NUPR1: variants seen among roughly 807,000 people sequenced by gnomAD.
NUPR1 encodes nuclear protein 1.
Under a neutral mutation model 7.3 loss-of-function variants are expected in NUPR1, and 8 were observed. The ratio of observed to expected loss-of-function variants is 1.09; its 90% CI spans 0.64 to 1.97. The LOEUF is 1.97. NUPR1 is among the 30% of genes most tolerant of loss of function. The pLI is 0.00. For synonymous variants in NUPR1, 39 were observed against 44.5 expected, an observed-to-expected ratio of 0.88 and a Z score of 0.49; for missense variants, 96 against 111.7, an observed-to-expected ratio of 0.86 and a Z score of 0.63.
At position 28,535,843 on chromosome 16, in the gene NUPR1, C is replaced by G. The variant is rs562445291; in HGVS notation, c.*1840G>C. ...TCCTCCAACTTCAGCCTCTGAGCAACTAGGACTACAGGCATGAGCCACCAT... is the reference window on the plus strand; with the variant it reads ...TCCTCCAACTTCAGCCTCTGAGCAAGTAGGACTACAGGCATGAGCCACCAT... On this transcript the variant is annotated 3_prime_UTR_variant, in exon 3 of 3. Transcript: ENST00000324873. 4.6e-5 allele frequency: 7 copies of G among 152,168 alleles called. No homozygotes were observed. The South Asian group carries it at 1.4e-3, about 32-fold the overall frequency. The allele number at this position is 152,168 out of a possible 1,614,324, so 9.4% of individuals were successfully genotyped here.
Position 28,535,577 on chromosome 16 carries a change from T to TTTCC in NUPR1, c.*2105_*2106insGGAA. 4.9e-4 allele frequency: 11 copies of TTTCC among 22,624 alleles called. No individual in the cohort carries two copies. The highest frequency in any genetic ancestry group is 2.2e-3 in the African/African-American group (9 of 4,002). 1.4% of individuals were successfully genotyped at this position (22,624 alleles called of 1,614,324 possible). A position where few individuals can be genotyped will look rare whatever the true frequency, so the allele number is the denominator to read the frequency against. On this transcript the variant is annotated 3_prime_UTR_variant, in exon 3 of 3. Coordinates refer to ENST00000324873, the MANE Select transcript of NUPR1 (RefSeq NM_012385.3). ...TTTCTTTCTTTCCTTCCTTCCTTTC[T>TTTCC]TTCTTTCTTTCTTTCTTTCTTTCTT... is the stretch of plus-strand genomic sequence containing the variant.
At position 28,537,469 on chromosome 16, in the gene NUPR1, C is replaced by T. The variant is rs1429262470; in HGVS notation, c.*214G>A. The stretch of plus-strand genomic sequence containing the variant: ...GGGGATCTTCCTGGCTCTGCCCCTC[C>T]ATTCCCAGCCTCTCACTCCCCATCT... On this transcript the variant is annotated 3_prime_UTR_variant, in exon 3 of 3. Transcript: ENST00000324873. 1 of 152,458 alleles carries T rather than the reference C, an allele frequency of 6.6e-6. No individual in the cohort carries two copies. The highest frequency in any genetic ancestry group is 1.5e-5 in the Non-Finnish European group (1 of 68,134). The allele number at this position is 152,458 out of a possible 1,614,324, so 9.4% of individuals were successfully genotyped here.
In NUPR1 at chr16:28,533,794, GAGAC is replaced by G. The variant is rs1440339770; in HGVS notation, c.*3885_*3888del. 2 of 152,368 alleles carry G rather than the reference GAGAC, an allele frequency of 1.3e-5. No individual in the cohort carries two copies. 9.4% of individuals were successfully genotyped at this position (152,368 alleles called of 1,614,324 possible). On this transcript the variant is annotated 3_prime_UTR_variant, in exon 3 of 3. Transcript: ENST00000324873. ...GAAGCTTATTTAAGGGCAGGTATGA[GAGAC>G]AGATTTCAGCCCACATGAACAGACT...
At chr16:28,538,721 G>GAGAGGAAACA (rs1246039994) in intron 1 of NUPR1, 75 bp downstream of exon 1, 3 of 1,118,116 alleles carry the variant, frequency 2.7e-6, no homozygotes, top group Non-Finnish European at 4.1e-6. Context: ...GAAAGGAAAT[G>GAGAGGAAACA]AGAGGAAACA....
Position 28,538,781 on chromosome 16 carries a change from C to T in NUPR1, c.112+15G>A. The T allele has an allele frequency of 1.3e-6, 2 of 1,590,668 alleles. No individual in the cohort carries two copies. Among genetic ancestry groups the T allele is most frequent in the Non-Finnish European group, 1.7e-6 (2 of 1,162,252 alleles). On this transcript the variant is annotated intron_variant, in intron 1 of 2. Coordinates refer to ENST00000324873, the MANE Select transcript of NUPR1 (RefSeq NM_012385.3). ...AGAGGAGGAAGGACCGTGGAGATGG[C>T]TGAGTGGGCCTTACCGAGGTAGGAA...
In NUPR1 at chr16:28,535,571, C is replaced by CTTTCTTTCTTTCCTTCCTTCCTTT. The variant is rs1555472555; in HGVS notation, c.*2111_*2112insAAAGGAAGGAAGGAAAGAAAGAAA. The stretch of plus-strand genomic sequence containing the variant: ...TCTTTCTTTCTTTCTTTCCTTCCTT[C>CTTTCTTTCTTTCCTTCCTTCCTTT]CTTTCTTTCTTTCTTTCTTTCTTTC... On this transcript the variant is annotated 3_prime_UTR_variant, in exon 3 of 3. Transcript: ENST00000324873. 4 of 71,886 alleles carry CTTTCTTTCTTTCCTTCCTTCCTTT rather than the reference C, an allele frequency of 5.6e-5. No individual in the cohort carries two copies. Among genetic ancestry groups the CTTTCTTTCTTTCCTTCCTTCCTTT allele is most frequent in the Non-Finnish European group, 1.0e-4 (4 of 38,512 alleles). 4.5% of individuals were successfully genotyped at this position (71,886 alleles called of 1,614,324 possible). A position where few individuals can be genotyped will look rare whatever the true frequency, so the allele number is the denominator to read the frequency against.
Position 28,533,523 on chromosome 16 carries a change from C to G in NUPR1, c.*4160G>C, listed in dbSNP as rs1443474051. 2 of 152,354 alleles carry G rather than the reference C, an allele frequency of 1.3e-5. No homozygotes were observed. The highest frequency in any genetic ancestry group is 6.5e-5 in the Admixed American group (1 of 15,274). The allele number at this position is 152,354 out of a possible 1,614,324, so 9.4% of individuals were successfully genotyped here. A position where few individuals can be genotyped will look rare whatever the true frequency, so the allele number is the denominator to read the frequency against. ...GAGTAGGTGGGCCCACAGGCACAAG[C>G]CACCACACCTGGCTAATTTTTAATT... On this transcript the variant is annotated 3_prime_UTR_variant, in exon 3 of 3. Coordinates refer to ENST00000324873, the MANE Select transcript of NUPR1 (RefSeq NM_012385.3).
Position 28,535,523 on chromosome 16 carries a change from C to CTTTCTTTCTTTCTTTCT in NUPR1, c.*2143_*2159dup, listed in dbSNP as rs2046605910. On this transcript the variant is annotated 3_prime_UTR_variant, in exon 3 of 3. Coordinates refer to ENST00000324873, the MANE Select transcript of NUPR1 (RefSeq NM_012385.3). ...CGCTCTTTTCTTTCTTTCTTTCTTT[C>CTTTCTTTCTTTCTTTCT]TTTCTTTCTTTCTTTCTTTCCTTCT... 1.4e-5 allele frequency: 1 copy of CTTTCTTTCTTTCTTTCT among 71,948 alleles called. No individual in the cohort carries two copies. The highest frequency in any genetic ancestry group is 2.9e-5 in the Non-Finnish European group (1 of 33,950). The allele number at this position is 71,948 out of a possible 1,614,324, so 4.5% of individuals were successfully genotyped here. A position where few individuals can be genotyped will look rare whatever the true frequency, so the allele number is the denominator to read the frequency against.
chr16:28,538,181 T>C, intron 1 of NUPR1, 26 bp from the exon 2 acceptor site: 6 of 1,613,870 alleles, frequency 3.7e-6, no homozygotes, highest in Non-Finnish European at 5.1e-6. Flanking sequence ...GAGTCAGAGG[T>C]GAAGTGGGCA....
chr16:28,534,946 G>A lies in NUPR1; in HGVS notation c.*2737C>T, dbSNP rs1171179718. 4 of 152,118 alleles carry A rather than the reference G, an allele frequency of 2.6e-5. No individual in the cohort carries two copies. The highest frequency in any genetic ancestry group is 6.6e-5 in the Admixed American group (1 of 15,258). 9.4% of individuals were successfully genotyped at this position (152,118 alleles called of 1,614,324 possible). ...GCCATTTGAACCCAGGAGGACTTGG[G>A]GCTAAGTAAGAGAGGAGTAACTTTG... On this transcript the variant is annotated 3_prime_UTR_variant, in exon 3 of 3. Transcript: ENST00000324873.
rs150470316 is a variant in NUPR1, at chr16:28,537,289, G to C, written c.*394C>G. 2.6e-5 allele frequency: 4 copies of C among 152,358 alleles called. No homozygotes were observed. Among genetic ancestry groups the C allele is most frequent in the African/African-American group, 9.7e-5 (4 of 41,450 alleles). 9.4% of individuals were successfully genotyped at this position (152,358 alleles called of 1,614,324 possible). A position where few individuals can be genotyped will look rare whatever the true frequency, so the allele number is the denominator to read the frequency against. ...ATCAAAGATGCTCTCTCAGGCTCAT[G>C]AATGTGCAGGCACAGGCAAGCACAC... is the stretch of plus-strand genomic sequence containing the variant. On this transcript the variant is annotated 3_prime_UTR_variant, in exon 3 of 3. Coordinates refer to ENST00000324873, the MANE Select transcript of NUPR1 (RefSeq NM_012385.3).
In NUPR1 at chr16:28,538,644, T is replaced by A. The variant is rs772004398; in HGVS notation, c.112+152A>T. Reference sequence around the variant, plus strand: ...GTTTGAGTTGTTGTGATCACACTACTGCACTCCAGCCTGGGTGACAGAGTG... The same window carrying A: ...GTTTGAGTTGTTGTGATCACACTACAGCACTCCAGCCTGGGTGACAGAGTG... On this transcript the variant is annotated intron_variant, in intron 1 of 2. Coordinates refer to ENST00000324873, the MANE Select transcript of NUPR1 (RefSeq NM_012385.3). The A allele has an allele frequency of 4.1e-6, 3 of 728,006 alleles. No individual in the cohort carries two copies. The African/African-American group carries it at 5.2e-5, about 13-fold the overall frequency. 45.1% of individuals were successfully genotyped at this position (728,006 alleles called of 1,614,324 possible). A position where few individuals can be genotyped will look rare whatever the true frequency, so the allele number is the denominator to read the frequency against.
rs1359794297 is a variant in NUPR1, at chr16:28,535,567, C to CTTTCTTTCTTTCTTTCTTTCTTTCTTT, written c.*2115_*2116insAAAGAAAGAAAGAAAGAAAGAAAGAAA. 4.3e-4 allele frequency: 29 copies of CTTTCTTTCTTTCTTTCTTTCTTTCTTT among 67,438 alleles called. 1 individual carries two copies. The highest frequency in any genetic ancestry group is 1.3e-3 in the South Asian group (2 of 1,512). The allele number at this position is 67,438 out of a possible 1,614,324, so 4.2% of individuals were successfully genotyped here. ...TCCTTCTTTCTTTCTTTCTTTCCTT[C>CTTTCTTTCTTTCTTTCTTTCTTTCTTT]CTTCCTTTCTTTCTTTCTTTCTTTC... On this transcript the variant is annotated 3_prime_UTR_variant, in exon 3 of 3. Transcript: ENST00000324873.
rs1567277437 is a variant in NUPR1 at position 28,535,564 on chromosome 16, C to CTTCTTTCT, written c.*2118_*2119insAGAAAGAA. ...CTTTCCTTCTTTCTTTCTTTCTTTC[C>CTTCTTTCT]TTCCTTCCTTTCTTTCTTTCTTTCT... On this transcript the variant is annotated 3_prime_UTR_variant, in exon 3 of 3. Coordinates refer to ENST00000324873, the MANE Select transcript of NUPR1 (RefSeq NM_012385.3). 1 of 57,738 alleles carries CTTCTTTCT rather than the reference C, an allele frequency of 1.7e-5. No homozygotes were observed. The highest frequency in any genetic ancestry group is 3.6e-5 in the Non-Finnish European group (1 of 27,578). The allele number at this position is 57,738 out of a possible 1,614,324, so 3.6% of individuals were successfully genotyped here.
chr16:28,538,710 G>C, intron 1 of NUPR1, 86 bp downstream of exon 1: 1 of 1,062,578 alleles, frequency 9.4e-7, no homozygotes, highest in Non-Finnish European at 1.5e-6. Flanking sequence ...GAAGAGGAAA[G>C]GAAAGGAAAT....
rs1406601108 is a variant in NUPR1 at position 28,535,544 on chromosome 16, C to CTTT, written c.*2138_*2139insAAA. 2.8e-4 allele frequency: 16 copies of CTTT among 58,172 alleles called. No individual in the cohort carries two copies. The highest frequency in any genetic ancestry group is 8.9e-4 in the African/African-American group (15 of 16,764). 3.6% of individuals were successfully genotyped at this position (58,172 alleles called of 1,614,324 possible). ...CTTTCTTTCTTTCTTTCTTTCTTTCCTTCTTTCTTTCTTTCTTTCCTTCCT... is the reference window on the plus strand; with the variant it reads ...CTTTCTTTCTTTCTTTCTTTCTTTCCTTTTTCTTTCTTTCTTTCTTTCCTTCCT... On this transcript the variant is annotated 3_prime_UTR_variant, in exon 3 of 3. Coordinates refer to ENST00000324873, the MANE Select transcript of NUPR1 (RefSeq NM_012385.3).
intron 1 of NUPR1, 119 bp downstream of exon 1, chr16:28,538,677 C>CAA: frequency 2.4e-6 from 2 of 825,082 alleles, no homozygotes; most frequent in Non-Finnish European, 4.0e-6. Flanking sequence ...GTGACTCTCT[C>CAA]AAAAAAAAAG....
In NUPR1 at chr16:28,532,961, A is replaced by C. The variant is rs559343098; in HGVS notation, c.*4722T>G. ...AGGATTAAATGGAGCAAAGCCTATA[A>C]AACACTTCTCACAGAATAGGAGCTC... On this transcript the variant is annotated 3_prime_UTR_variant, in exon 3 of 3. Transcript: ENST00000324873. 6.6e-6 allele frequency: 1 copy of C among 152,314 alleles called. No individual in the cohort carries two copies. The highest frequency in any genetic ancestry group is 1.9e-4 in the East Asian group (1 of 5,188). 9.4% of individuals were successfully genotyped at this position (152,314 alleles called of 1,614,324 possible).
rs1406601108 is a variant in NUPR1, at chr16:28,535,544, C to CTTTCTTT, written c.*2138_*2139insAAAGAAA. 102 of 58,174 alleles carry CTTTCTTT rather than the reference C, an allele frequency of 1.8e-3. 2 individuals are homozygous for CTTTCTTT. The highest frequency in any genetic ancestry group is 5.8e-3 in the African/African-American group (98 of 16,766). The allele number at this position is 58,174 out of a possible 1,614,324, so 3.6% of individuals were successfully genotyped here. On this transcript the variant is annotated 3_prime_UTR_variant, in exon 3 of 3. Transcript: ENST00000324873. The stretch of plus-strand genomic sequence containing the variant: ...CTTTCTTTCTTTCTTTCTTTCTTTC[C>CTTTCTTT]TTCTTTCTTTCTTTCTTTCCTTCCT...
Sources: gnomAD v4.1 joint callset for allele counts on GRCh38, gnomAD v4.1.1 for gene constraint, MANE v1.5 for transcripts, NCBI Gene and HGNC (gene_info 2026-07-23, HGNC 2026-07-21) for gene names.